ROBO2: variants seen among roughly 807,000 people sequenced by gnomAD.
The protein encoded by ROBO2 is roundabout guidance receptor 2.
ROBO2 carries 53 observed loss-of-function variants against 160.8 expected under a neutral mutation model. The ratio of observed to expected loss-of-function variants is 0.33; its 90% CI spans 0.26 to 0.41. The LOEUF is 0.41. Among genes scored for constraint, ROBO2 ranks in the 10% least tolerant of loss-of-function variants. The probability of loss-of-function intolerance (pLI) is 1.00; values close to 1 mark genes in which losing one functional copy is unlikely to be tolerated. For missense variants in ROBO2, 1,577 were observed against 1,722.4 expected, an observed-to-expected ratio of 0.92 and a Z score of 1.49; for synonymous variants, 664 against 611.7, an observed-to-expected ratio of 1.09 and a Z score of -1.26.
At chr3:77,521,293 C>T (rs1215930520) in intron 5 of ROBO2, among the ~76,000 whole-genome samples, 4 of 151,236 alleles carry the variant, frequency 2.6e-5, no homozygotes, top group Non-Finnish European at 4.4e-5. Context: ...AGCCTGTGCT[C>T]TTAACCACTT....
chr3:76,794,212 C>T (rs898308484), intron 2 of ROBO2, among the ~76,000 whole-genome samples: 2 of 151,846 alleles, frequency 1.3e-5, no homozygotes, highest in African/African-American at 2.4e-5. Flanking sequence ...ATTAGTAGAA[C>T]TGTAAAGGGA....
intron 2 of ROBO2, among the ~76,000 whole-genome samples, chr3:76,272,787 A>ATTATATACACATAT (rs1707546360): frequency 6.5e-5 from 1 of 15,290 alleles, no homozygotes; most frequent in African/African-American, 1.6e-4. Context: ...TAAAATATAT[A>ATTATATACACATAT]AAATATATAT....
chr3:76,073,679 T>A (rs2068549702), intron 2 of ROBO2, among the ~76,000 whole-genome samples: 1 of 152,142 alleles, frequency 6.6e-6, no homozygotes, highest in Non-Finnish European at 1.5e-5. Flanking sequence ...ATACGTTAAA[T>A]TGGAGTGTAG....
chr3:77,571,081 TG>T (rs1417606054), intron 13 of ROBO2, among the ~76,000 whole-genome samples: 3 of 152,072 alleles, frequency 2.0e-5, no homozygotes, highest in Non-Finnish European at 4.4e-5. Flanking sequence ...CTTTACTTTT[TG>T]TCTTTGTTTT....
intron 2 of ROBO2, among the ~76,000 whole-genome samples, chr3:76,939,426 T>C (rs2078001366): frequency 6.6e-6 from 1 of 152,188 alleles, no homozygotes; most frequent in Admixed American, 6.5e-5. Context: ...AGCTATAAGA[T>C]TTCCTTCTTG....
At chr3:76,090,788 A>G (rs2069201313) in intron 2 of ROBO2, among the ~76,000 whole-genome samples, 1 of 152,206 alleles carries the variant, frequency 6.6e-6, no homozygotes, top group East Asian at 1.9e-4. Flanking sequence ...GCCCAGAAAC[A>G]GACCCACATA....
chr3:77,543,341 T>A lies in ROBO2; in HGVS notation c.935-2997T>A, dbSNP rs182660747. On this transcript the variant is annotated intron_variant, in intron 6 of 25. Transcript: ENST00000461745. ...ATTTTATTTGGCTTCCCATCTCCTG[T>A]ACCAACCAGAATGTATCATCATTTT... 2.0e-5 allele frequency among the ~76,000 whole-genome samples: 3 copies of A among 152,322 alleles called. No homozygotes were observed. In the East Asian group the frequency reaches 5.8e-4, roughly 29 times the overall value.
chr3:77,006,079 A>AT (rs2061561271), intron 2 of ROBO2, among the ~76,000 whole-genome samples: 1 of 151,960 alleles, frequency 6.6e-6, no homozygotes, highest in Non-Finnish European at 1.5e-5. Context: ...CTACCAGTTA[A>AT]TCTTTACCAC....
At chr3:77,270,284 C>A (rs1450599001) in intron 2 of ROBO2, among the ~76,000 whole-genome samples, 1 of 152,172 alleles carries the variant, frequency 6.6e-6, no homozygotes, top group Non-Finnish European at 1.5e-5. Context: ...CAACAAAATG[C>A]CACGTAATCT....
In ROBO2 at chr3:76,194,363, T is replaced by TATATATATAC. The variant is rs1553672765; in HGVS notation, c.109+256770_109+256771insCATATATATA. On this transcript the variant is annotated intron_variant, in intron 2 of 26. Transcript: ENST00000487694. The stretch of plus-strand genomic sequence containing the variant: ...TATGTATGGTGTGTAAATATATATA[T>TATATATATAC]ATATATATATATATATATATATAGT... 9.8e-3 allele frequency among the ~76,000 whole-genome samples: 1,165 copies of TATATATATAC among 118,608 alleles called. 34 individuals are homozygous for TATATATATAC. The highest frequency in any genetic ancestry group is 0.038 in the African/African-American group (1,098 of 28,670). 77.8% of individuals were successfully genotyped at this position (118,608 alleles called of 152,430 possible). A position where few individuals can be genotyped will look rare whatever the true frequency, so the allele number is the denominator to read the frequency against.
intron 2 of ROBO2, among the ~76,000 whole-genome samples, chr3:76,537,401 C>T (rs1373637682): frequency 2.0e-5 from 3 of 151,914 alleles, no homozygotes; most frequent in African/African-American, 7.3e-5. Flanking sequence ...AAAAATAAGA[C>T]GTTTGGGTTT....
chr3:76,836,860 G>C (rs962214977), intron 2 of ROBO2, among the ~76,000 whole-genome samples: 7 of 151,842 alleles, frequency 4.6e-5, no homozygotes, highest in Admixed American at 3.9e-4. Flanking sequence ...TTCTTCTGCT[G>C]TTGGGTGGAG....
intron 2 of ROBO2, among the ~76,000 whole-genome samples, chr3:77,356,873 A>G (rs2069207185): frequency 6.6e-6 from 1 of 151,896 alleles, no homozygotes; most frequent in Non-Finnish European, 1.5e-5. Context: ...CTGTTTCCTG[A>G]TGGTTTGAAG....
At chr3:75,952,286 A>C (rs559629013) in intron 2 of ROBO2, among the ~76,000 whole-genome samples, 1 of 151,986 alleles carries the variant, frequency 6.6e-6, no homozygotes, top group South Asian at 2.1e-4. Context: ...GGGAGGTGAA[A>C]ATGCTTTTAC....
At chr3:77,410,474 C>T (rs1228478337) in intron 2 of ROBO2, among the ~76,000 whole-genome samples, 1 of 150,784 alleles carries the variant, frequency 6.6e-6, no homozygotes, top group Non-Finnish European at 1.5e-5. Flanking sequence ...TCCTCCTTCC[C>T]CTTCTCCCTC....
chr3:77,006,324 T>C (rs2061578740), intron 2 of ROBO2, among the ~76,000 whole-genome samples: 1 of 151,588 alleles, frequency 6.6e-6, no homozygotes, highest in Non-Finnish European at 1.5e-5. Context: ...TGTGTGTGTG[T>C]GTGTGTGTGT....
intron 2 of ROBO2, among the ~76,000 whole-genome samples, chr3:76,462,507 C>G (rs1268304238): frequency 1.3e-5 from 2 of 151,408 alleles, no homozygotes; most frequent in East Asian, 3.9e-4. Flanking sequence ...TTAGTTATTA[C>G]TTACTAAATG....
intron 2 of ROBO2, among the ~76,000 whole-genome samples, chr3:77,229,055 T>G (rs566956138): frequency 2.3e-4 from 35 of 152,304 alleles, no homozygotes; most frequent in Admixed American, 5.9e-4. Flanking sequence ...AGAAGCTTTT[T>G]TCATATTTAA....
At chr3:77,458,219 T>C (rs1357054151) in intron 2 of ROBO2, among the ~76,000 whole-genome samples, 1 of 152,148 alleles carries the variant, frequency 6.6e-6, no homozygotes, top group African/African-American at 2.4e-5. Context: ...CACCAAAACA[T>C]GTGGGCATAA....
Sources: allele counts gnomAD v4.1 joint callset (sites outside exome capture counted in the v4.1 genomes callset), GRCh38; gene constraint gnomAD v4.1.1; transcripts MANE v1.5; gene names NCBI Gene and HGNC (gene_info 2026-07-23, HGNC 2026-07-21).